ATP2B4: variants seen among roughly 807,000 people sequenced by gnomAD.
ATP2B4 encodes the protein ATPase plasma membrane Ca2+ transporting 4.
ATP2B4 carries 39 observed loss-of-function variants against 110.3 expected under a neutral mutation model. The ratio of observed to expected loss-of-function variants is 0.35; its 90% CI spans 0.27 to 0.46. The LOEUF is 0.46. Ranked by LOEUF, ATP2B4 falls within the 20% of genes least tolerant of loss-of-function variation. ATP2B4 has a pLI of 1.00. For missense variants in ATP2B4, 1,135 were observed against 1,530.9 expected, an observed-to-expected ratio of 0.74 and a Z score of 4.32; for synonymous variants, 538 against 571.7, an observed-to-expected ratio of 0.94 and a Z score of 0.84.
intron 1 of ATP2B4, among the ~76,000 whole-genome samples, chr1:203,654,131 A>G (rs370415716): frequency 8.6e-5 from 13 of 151,742 alleles, no homozygotes; most frequent in African/African-American, 2.9e-4. Context: ...TTACAGGCGC[A>G]TGCCCCCATG....
rs549505905 is a variant in ATP2B4, at chr1:203,636,877, G to A, written c.-465+9658G>A. Among the ~76,000 whole-genome samples the A allele has an allele frequency of 2.5e-4, 38 of 152,258 alleles. 1 individual carries two copies. Among genetic ancestry groups the A allele is most frequent in the African/African-American group, 6.5e-4 (27 of 41,524 alleles). On this transcript the variant is annotated intron_variant, in intron 1 of 20. Transcript: ENST00000357681. ...CAGCCAAGTCCCATCCTTCTGCCCA[G>A]GATGACCAGGGGAAAAGAGGCCAAA...
At chr1:203,714,416 T>A in intron 15 of ATP2B4, 139 bp downstream of exon 15, 1 of 765,682 alleles carries the variant, frequency 1.3e-6, no homozygotes, top group Non-Finnish European at 2.2e-6. Context: ...CTCTCCTATC[T>A]ACCGGGCCAA....
chr1:203,720,384 C>T (rs1384866616), intron 15 of ATP2B4, among the ~76,000 whole-genome samples, 165 bp from the exon 16 acceptor site: 2 of 152,124 alleles, frequency 1.3e-5, no homozygotes, highest in Non-Finnish European at 1.5e-5. Context: ...AGGCCGCAGC[C>T]CTCCTTTCTC....
chr1:203,697,821 C>T (rs568968812), intron 2 of ATP2B4, among the ~76,000 whole-genome samples: 2 of 151,840 alleles, frequency 1.3e-5, no homozygotes, highest in Non-Finnish European at 1.5e-5. Context: ...CTTCCCACTT[C>T]GGCTTCCTGA....
intron 17 of ATP2B4, 103 bp from the exon 18 acceptor site, chr1:203,722,375 A>T: frequency 1.1e-6 from 1 of 893,360 alleles, no homozygotes; most frequent in Non-Finnish European, 1.8e-6. Context: ...TTGATTAATT[A>T]GAATGGACAC....
intron 8 of ATP2B4, 57 bp downstream of exon 8, chr1:203,703,870 T>A: frequency 6.4e-7 from 1 of 1,565,750 alleles, no homozygotes; most frequent in Non-Finnish European, 8.7e-7. Context: ...TCCTCATCAC[T>A]TTTATCCCCT....
chr1:203,698,157 G>A lies in ATP2B4; in HGVS notation c.194G>A (p.Gly65Asp), dbSNP rs1477909212. 1 of 1,613,720 alleles carries A rather than the reference G, an allele frequency of 6.2e-7. No individual in the cohort carries two copies. Among genetic ancestry groups the A allele is most frequent in the Non-Finnish European group, 8.5e-7 (1 of 1,179,976 alleles). Residue 65 changes from glycine to aspartate, a missense_variant and splice_region_variant, in exon 3 of 21, where the codon GGT (glycine) becomes GAT (aspartate). By Grantham distance (94) the Gly-to-Asp change is moderately conservative (BLOSUM62 -1). Transcript: ENST00000357681. Reference sequence around the variant, plus strand: ...TCATCCACTCCTATCTCCTTTTCAGGTCTGTCTGGGAACCCTGCAGATCTG... The same window carrying A: ...TCATCCACTCCTATCTCCTTTTCAGATCTGTCTGGGAACCCTGCAGATCTG... ...CSRLKTSPVE[G>D]LSGNPADLEK...
Position 203,657,840 on chromosome 1 carries a change from C to T in ATP2B4, c.-464-24902C>T, listed in dbSNP as rs945394662. On this transcript the variant is annotated intron_variant, in intron 1 of 20. Transcript: ENST00000357681. ...ATTTTAAGGTCTCAGAGACTCCACG[C>T]AGGCCGGGACAGGAAAGGGTCACCC... The T allele has an allele frequency of 4.1e-5, 18 of 435,940 alleles. No homozygotes were observed. In the East Asian group the frequency reaches 7.6e-4, roughly 18 times the overall value. The allele number at this position is 435,940 out of a possible 1,614,324, so 27.0% of individuals were successfully genotyped here.
intron 1 of ATP2B4, among the ~76,000 whole-genome samples, chr1:203,671,391 A>G (rs563830722): frequency 1.3e-5 from 2 of 152,176 alleles, no homozygotes; most frequent in South Asian, 2.1e-4. Context: ...CAAACTCCTG[A>G]GTTCAAGCAA....
At chr1:203,674,721 G>T (rs1427481455) in intron 1 of ATP2B4, among the ~76,000 whole-genome samples, 1 of 127,250 alleles carries the variant, frequency 7.9e-6, no homozygotes, top group Non-Finnish European at 1.6e-5. Context: ...CAATGGCACA[G>T]TCTTGGCTCA....
chr1:203,704,187 C>T (rs1665778728), intron 8 of ATP2B4, among the ~76,000 whole-genome samples: 1 of 152,158 alleles, frequency 6.6e-6, no homozygotes, highest in African/African-American at 2.4e-5. Flanking sequence ...CTGCAGCTTG[C>T]TACAGGCAAT....
intron 15 of ATP2B4, among the ~76,000 whole-genome samples, 167 bp from the exon 16 acceptor site, chr1:203,720,382 G>A (rs563472870): frequency 5.6e-4 from 86 of 152,322 alleles, no homozygotes; most frequent in African/African-American, 2.0e-3. Context: ...TCAGGCCGCA[G>A]CCCTCCTTTC....
chr1:203,710,593 A>G (rs1387266096), intron 11 of ATP2B4, among the ~76,000 whole-genome samples: 1 of 152,210 alleles, frequency 6.6e-6, no homozygotes, highest in Non-Finnish European at 1.5e-5. Flanking sequence ...AAGAAGTTCA[A>G]AAGAGCAGGT....
In ATP2B4 at chr1:203,707,413, C is replaced by G. The variant is rs114451749; in HGVS notation, c.1314+190C>G. 2.0e-3 allele frequency among the ~76,000 whole-genome samples: 308 copies of G among 151,974 alleles called. 2 individuals are homozygous for G. Among genetic ancestry groups the G allele is most frequent in the African/African-American group, 7.1e-3 (294 of 41,456 alleles). On this transcript the variant is annotated intron_variant, in intron 9 of 20. Transcript: ENST00000357681. ...ATGCATCAATGTTGAAATGACCCAGCAGAATCTTAAGAGAATGACAAAAAT... is the reference window on the plus strand; with the variant it reads ...ATGCATCAATGTTGAAATGACCCAGGAGAATCTTAAGAGAATGACAAAAAT...
At chr1:203,652,091 C>CA (rs1191395772) in intron 1 of ATP2B4, among the ~76,000 whole-genome samples, 15 of 146,864 alleles carry the variant, frequency 1.0e-4, no homozygotes, top group Non-Finnish European at 1.5e-4. Flanking sequence ...CCTTTAGAGA[C>CA]AAACAAAAAC....
chr1:203,713,990 T>G (rs1351469688), intron 14 of ATP2B4, among the ~76,000 whole-genome samples, 181 bp from the exon 15 acceptor site: 1 of 152,174 alleles, frequency 6.6e-6, no homozygotes, highest in Non-Finnish European at 1.5e-5. Flanking sequence ...GGGTACCGGA[T>G]GAGGACAAAC....
intron 18 of ATP2B4, among the ~76,000 whole-genome samples, chr1:203,723,552 C>G (rs1272414440): frequency 6.6e-6 from 1 of 150,902 alleles, no homozygotes; most frequent in East Asian, 2.0e-4. Context: ...CCCACCTCAT[C>G]CTCAGTTCCT....
At chr1:203,724,009 C>A (rs371838217) in intron 19 of ATP2B4, 21 bp downstream of exon 19, 11 of 1,584,432 alleles carry the variant, frequency 6.9e-6, no homozygotes, top group Non-Finnish European at 9.5e-6. Flanking sequence ...GCACACCCTC[C>A]TGGTGCATTC....
At chr1:203,735,058 G>GAAATA (rs1460066472) in intron 20 of ATP2B4, among the ~76,000 whole-genome samples, 2 of 150,184 alleles carry the variant, frequency 1.3e-5, no homozygotes, top group African/African-American at 4.9e-5. Context: ...TCACATGAAG[G>GAAATA]TACGAGAAAT....
Sources: allele counts gnomAD v4.1 joint callset (sites outside exome capture counted in the v4.1 genomes callset), GRCh38; gene constraint gnomAD v4.1.1; transcripts MANE v1.5; gene names NCBI Gene and HGNC (gene_info 2026-07-23, HGNC 2026-07-21).